PHEX: variants seen among roughly 807,000 people sequenced by gnomAD.
The protein encoded by PHEX is phosphate-regulating neutral endopeptidase PHEX.
A neutral mutation model predicts 68.0 loss-of-function variants in PHEX; 16 were observed. That is an observed-to-expected ratio of 0.24 (90% CI 0.16 to 0.36). The LOEUF (loss-of-function observed/expected upper bound fraction) is 0.36. Ranked by LOEUF, PHEX falls within the 10% of genes least tolerant of loss-of-function variation. The probability of loss-of-function intolerance (pLI) is 1.00; values close to 1 mark genes in which losing one functional copy is unlikely to be tolerated. For synonymous variants in PHEX, 208 were observed against 205.1 expected (o/e 1.01, Z -0.12); for missense variants, 480 against 575.5 (o/e 0.83, Z 1.70).
intron 3 of PHEX, among the ~76,000 whole-genome samples, chrX:22,063,611 T>G (rs1207362843): frequency 8.9e-6 from 1 of 112,223 alleles, no homozygotes; most frequent in Non-Finnish European, 1.9e-5. Context: ...TTCACAAAGC[T>G]GCCCTCACCA....
At chrX:22,189,667 G>A (rs182642496) in intron 14 of PHEX, among the ~76,000 whole-genome samples, 1 of 112,132 alleles carries the variant, frequency 8.9e-6, no homozygotes, top group Non-Finnish European at 1.9e-5. Context: ...AAGTACCTAC[G>A]TAATATCCTT....
intron 20 of PHEX, among the ~76,000 whole-genome samples, chrX:22,239,909 C>T (rs758019267): frequency 9.0e-6 from 1 of 110,999 alleles, no homozygotes; most frequent in South Asian, 3.9e-4. Flanking sequence ...AAATATTCCT[C>T]GAAAAGAGCA....
At chrX:22,167,898 T>C (rs1391247625) in intron 12 of PHEX, among the ~76,000 whole-genome samples, 1 of 111,529 alleles carries the variant, frequency 9.0e-6, no homozygotes, top group Non-Finnish European at 1.9e-5. Context: ...GGTTTGCACA[T>C]ATTTTTGCCT....
At position 22,201,892 on chromosome X, in the gene PHEX, G is replaced by C. The variant is rs143929307; in HGVS notation, c.1646-11012G>C. Among the ~76,000 whole-genome samples the C allele has an allele frequency of 2.8e-3, 313 of 111,385 alleles. 2 individuals carry two copies. The highest frequency in any genetic ancestry group is 9.5e-3 in the African/African-American group (291 of 30,611). ...CTAAAAACCAGCCATGGGAACAGGA[G>C]ACAGGATGTCAGGGAGAAATCTCAT... On this transcript the variant is annotated intron_variant, in intron 15 of 21. Coordinates refer to ENST00000379374, the MANE Select transcript of PHEX (RefSeq NM_000444.6).
intron 15 of PHEX, among the ~76,000 whole-genome samples, chrX:22,206,109 G>A (rs1338662718): frequency 8.9e-6 from 1 of 111,947 alleles, no homozygotes; most frequent in South Asian, 3.7e-4. Context: ...ACACTAGTTC[G>A]GCAATGATAG....
At chrX:22,044,059 A>G (rs746787444) in intron 2 of PHEX, among the ~76,000 whole-genome samples, 28 of 111,151 alleles carry the variant, frequency 2.5e-4, no homozygotes, top group Middle Eastern at 4.6e-3. Context: ...TCCAAATTCA[A>G]TGTGAGTGAT....
chrX:22,059,162 C>T (rs1362463892), intron 3 of PHEX, among the ~76,000 whole-genome samples: 2 of 111,560 alleles, frequency 1.8e-5, no homozygotes, highest in East Asian at 2.8e-4. Context: ...AACTTGAGTC[C>T]ACAGTCTTCC....
chrX:22,040,743 A>G (rs762134588), intron 2 of PHEX, among the ~76,000 whole-genome samples: 10 of 110,733 alleles, frequency 9.0e-5, no homozygotes, highest in African/African-American at 3.3e-4. Context: ...GGTGCAAGTG[A>G]TGAGGAGTCA....
In PHEX at chrX:22,098,795, C is replaced by CAAAAAAAAAAAAA. The variant is rs746223770; in HGVS notation, c.934-191_934-179dup. Among the ~76,000 whole-genome samples the CAAAAAAAAAAAAA allele has an allele frequency of 1.4e-3, 16 of 11,374 alleles. 1 individual carries two copies. Among genetic ancestry groups the CAAAAAAAAAAAAA allele is most frequent in the African/African-American group, 3.1e-3 (14 of 4,520 alleles). The allele number at this position is 11,374 out of a possible 115,157, so 9.9% of individuals were successfully genotyped here. ...CCTGGGTGATAGAGCGAGAATGTCTCAAAAAAAAAAAAAAAAAAAAAAAAA... is the reference window on the plus strand; with the variant it reads ...CCTGGGTGATAGAGCGAGAATGTCTCAAAAAAAAAAAAAAAAAAAAAAAAAAAAAAAAAAAAAA... On this transcript the variant is annotated intron_variant, in intron 8 of 21. Transcript: ENST00000379374.
intron 11 of PHEX, among the ~76,000 whole-genome samples, chrX:22,129,526 T>G (rs866202400): frequency 1.8e-5 from 2 of 111,466 alleles, no homozygotes; most frequent in Admixed American, 9.6e-5. Context: ...TCTCTCAACC[T>G]TCTACATCTA....
chrX:22,170,676 G>A (rs1933494459), intron 13 of PHEX, among the ~76,000 whole-genome samples: 1 of 112,064 alleles, frequency 8.9e-6, no homozygotes, highest in African/African-American at 3.2e-5. Context: ...CCCTCAAATT[G>A]ATTTAAAAGG....
At chrX:22,228,912 T>C (rs1352651129) in intron 20 of PHEX, among the ~76,000 whole-genome samples, 2 of 111,316 alleles carry the variant, frequency 1.8e-5, no homozygotes, top group Non-Finnish European at 3.8e-5. Context: ...CCCTGGTGTG[T>C]GATGTTCCCC....
At chrX:22,185,756 G>GTTTTTTT (rs3085228) in intron 14 of PHEX, among the ~76,000 whole-genome samples, 3 of 87,796 alleles carry the variant, frequency 3.4e-5, no homozygotes, top group African/African-American at 5.0e-5. Flanking sequence ...CTCGTTTGTG[G>GTTTTTTT]TTTTTTTTTT....
At chrX:22,190,956 G>T (rs1397536040) in intron 15 of PHEX, among the ~76,000 whole-genome samples, 9 of 111,217 alleles carry the variant, frequency 8.1e-5, no homozygotes, top group Non-Finnish European at 1.7e-4. Context: ...ATGTCTTGAG[G>T]TTTTCTACTT....
intron 18 of PHEX, among the ~76,000 whole-genome samples, chrX:22,223,854 T>A (rs12841218): frequency 0.31 from 34,751 of 111,714 alleles, 4,127 homozygotes; most frequent in Non-Finnish European, 0.36. Flanking sequence ...CTTGAGAAAG[T>A]AGCATATTAG....
rs183490499 is a variant in PHEX at position 22,040,572 on chromosome X, C to T, written c.187+2035C>T. ...TGACAGGATGGCTAGATTGAAAAGC[C>T]GGAGGACATGACCTTGGAGGTGACC... On this transcript the variant is annotated intron_variant, in intron 2 of 21. Coordinates refer to ENST00000379374, the MANE Select transcript of PHEX (RefSeq NM_000444.6). Among the ~76,000 whole-genome samples the T allele has an allele frequency of 3.2e-3, 360 of 111,741 alleles. 1 individual carries two copies. Among genetic ancestry groups the T allele is most frequent in the Non-Finnish European group, 3.1e-3 (162 of 53,087 alleles).
At chrX:22,119,842 C>T (rs751509105) in intron 11 of PHEX, among the ~76,000 whole-genome samples, 7 of 110,762 alleles carry the variant, frequency 6.3e-5, no homozygotes, top group Admixed American at 9.7e-5. Context: ...AGTGATCTCC[C>T]TGCCTCAGCC....
intron 2 of PHEX, among the ~76,000 whole-genome samples, chrX:22,038,924 A>C (rs755256112): frequency 9.0e-6 from 1 of 111,691 alleles, no homozygotes; most frequent in African/African-American, 3.3e-5. Flanking sequence ...GCCTGCCTCT[A>C]AGCAAGGCTC....
chrX:22,198,502 G>A (rs1471321502), intron 15 of PHEX, among the ~76,000 whole-genome samples: 1 of 110,863 alleles, frequency 9.0e-6, no homozygotes, highest in Non-Finnish European at 1.9e-5. Context: ...ACTGATGTTT[G>A]AGTGGACTTT....
Sources: allele counts gnomAD v4.1 joint callset (sites outside exome capture counted in the v4.1 genomes callset), GRCh38; gene constraint gnomAD v4.1.1; transcripts MANE v1.5; gene names NCBI Gene and HGNC (gene_info 2026-07-23, HGNC 2026-07-21).